NHSL2: variants seen among roughly 807,000 people sequenced by gnomAD.
The protein encoded by NHSL2 is NHS like 2, also known as NHS-like protein 2.
A neutral mutation model predicts 53.4 loss-of-function variants in NHSL2; 27 were observed. The observed-to-expected ratio is 0.51, with a 90% CI of 0.37 to 0.70. The LOEUF (loss-of-function observed/expected upper bound fraction) is 0.70. Ranked by LOEUF, NHSL2 falls within the 30% of genes least tolerant of loss-of-function variation. The probability of loss-of-function intolerance (pLI) is 0.00; values close to 1 mark genes in which losing one functional copy is unlikely to be tolerated. For synonymous variants in NHSL2, 408 were observed against 404.1 expected (o/e 1.01, Z -0.12); for missense variants, 892 against 980.1 (o/e 0.91, Z 1.20).
chrX:72,041,779 G>T, intron 1 of NHSL2, among the ~76,000 whole-genome samples: 1 of 112,307 alleles, frequency 8.9e-6, no homozygotes, highest in Non-Finnish European at 1.9e-5. Flanking sequence ...GGGTTTCATG[G>T]CATGTCCCTC....
At chrX:72,052,356 G>A (rs975349421) in intron 1 of NHSL2, among the ~76,000 whole-genome samples, 1 of 112,538 alleles carries the variant, frequency 8.9e-6, no homozygotes, top group Non-Finnish European at 1.9e-5. Flanking sequence ...GCCTCAGGGC[G>A]AGCTTGCTTG....
chrX:72,086,818 C>T (rs781222656), intron 1 of NHSL2, among the ~76,000 whole-genome samples: 15 of 110,043 alleles, frequency 1.4e-4, no homozygotes, highest in African/African-American at 4.3e-4. Context: ...TAACTCATTA[C>T]AGTAAAGCTG....
At chrX:71,933,634 A>C (rs1389821925) in intron 1 of NHSL2, among the ~76,000 whole-genome samples, 2 of 111,600 alleles carry the variant, frequency 1.8e-5, no homozygotes. Context: ...AGTGGACATA[A>C]AATTGCACTA....
chrX:72,087,365 T>C (rs761470851), intron 1 of NHSL2, among the ~76,000 whole-genome samples: 1 of 110,894 alleles, frequency 9.0e-6, no homozygotes, highest in South Asian at 3.8e-4. Context: ...GAGGGAGAAA[T>C]AGGAAATTAC....
intron 1 of NHSL2, among the ~76,000 whole-genome samples, chrX:72,060,203 G>A (rs1312122588): frequency 8.9e-6 from 1 of 112,198 alleles, no homozygotes; most frequent in East Asian, 2.8e-4. Flanking sequence ...AGTGCGAATT[G>A]AGGATAGTAA....
chrX:72,100,359 C>G (rs184111903), intron 1 of NHSL2, among the ~76,000 whole-genome samples: 2,576 of 112,391 alleles, frequency 0.023, 79 homozygotes, highest in African/African-American at 0.08. Flanking sequence ...ATACTACAGG[C>G]AGTTGTAACA....
intron 1 of NHSL2, among the ~76,000 whole-genome samples, chrX:71,964,569 G>T (rs943654103): frequency 4.5e-5 from 5 of 111,220 alleles, no homozygotes; most frequent in African/African-American, 1.6e-4. Flanking sequence ...GGCCTAAATT[G>T]TTCCAAAAAC....
chrX:72,109,248 C>T (rs1175382000), intron 1 of NHSL2, among the ~76,000 whole-genome samples: 1 of 112,029 alleles, frequency 8.9e-6, no homozygotes, highest in East Asian at 2.8e-4. Context: ...GTGTGTCAGG[C>T]ACTTTACAAA....
intron 1 of NHSL2, chrX:72,130,840 G>A (rs781206301): frequency 5.8e-6 from 7 of 1,209,825 alleles, no homozygotes; most frequent in African/African-American, 5.2e-5. Flanking sequence ...AGCCACACGT[G>A]GGGGGATGGG....
At chrX:71,969,461 C>T (rs1454824528) in intron 1 of NHSL2, among the ~76,000 whole-genome samples, 2 of 109,951 alleles carry the variant, frequency 1.8e-5, no homozygotes, top group Non-Finnish European at 3.8e-5. Flanking sequence ...TACAGGCACC[C>T]ACCACTGCGC....
At chrX:71,969,319 C>CTTTTT (rs760980869) in intron 1 of NHSL2, among the ~76,000 whole-genome samples, 1 of 60,926 alleles carries the variant, frequency 1.6e-5, no homozygotes, top group African/African-American at 5.6e-5. Context: ...TTTTTTTTTT[C>CTTTTT]TTTTTTTTTT....
At chrX:72,103,776 C>T (rs2042015670) in intron 1 of NHSL2, among the ~76,000 whole-genome samples, 1 of 112,465 alleles carries the variant, frequency 8.9e-6, no homozygotes, top group Non-Finnish European at 1.9e-5. Flanking sequence ...AAGATACCCT[C>T]CCAGGGCTGC....
chrX:72,103,858 G>A (rs1249921514), intron 1 of NHSL2, among the ~76,000 whole-genome samples: 2 of 112,501 alleles, frequency 1.8e-5, no homozygotes, highest in African/African-American at 6.5e-5. Context: ...AGGTCCATGT[G>A]GAGAGTGAGG....
rs974578253 is a variant in NHSL2, at chrX:72,069,662, G to A, written c.281-62417G>A. On this transcript the variant is annotated intron_variant, in intron 1 of 7. Transcript: ENST00000633930. The stretch of plus-strand genomic sequence containing the variant: ...GGAGGAGGAGGTGGCAGCGGCCGCC[G>A]CGGTGGCTGCCAGTCCAGAGCAGAA... 14 of 935,831 alleles carry A rather than the reference G, an allele frequency of 1.5e-5. No homozygotes were observed. The South Asian group carries it at 3.0e-4, about 20-fold the overall frequency. The allele number at this position is 935,831 out of a possible 1,213,427, so 77.1% of individuals were successfully genotyped here.
rs1318503588 is a variant in NHSL2, at chrX:72,149,972, C to T, written c.*6398C>T. 2 of 112,316 alleles carry T rather than the reference C, an allele frequency of 1.8e-5. No individual in the cohort carries two copies. The highest frequency in any genetic ancestry group is 6.5e-5 in the African/African-American group (2 of 30,912). 9.3% of individuals were successfully genotyped at this position (112,316 alleles called of 1,213,427 possible). On this transcript the variant is annotated 3_prime_UTR_variant, in exon 8 of 8. Transcript: ENST00000633930. ...ATTCCAGGTCTCCTGCCCTTGGGCCCAATCTGGTTTCATTTAAAGCACTAC... is the reference window on the plus strand; with the variant it reads ...ATTCCAGGTCTCCTGCCCTTGGGCCTAATCTGGTTTCATTTAAAGCACTAC...
chrX:72,097,207 G>T (rs2041950492), intron 1 of NHSL2, among the ~76,000 whole-genome samples: 1 of 112,275 alleles, frequency 8.9e-6, no homozygotes, highest in South Asian at 3.7e-4. Flanking sequence ...TGGAAGAGAA[G>T]AGGGCCCAAA....
chrX:71,915,950 G>C (rs1410064592), intron 1 of NHSL2, among the ~76,000 whole-genome samples: 2 of 112,339 alleles, frequency 1.8e-5, no homozygotes, highest in African/African-American at 6.5e-5. Context: ...AGAGGAGAAA[G>C]GAAGGTCAAA....
chrX:71,990,674 C>T (rs1002226684), intron 1 of NHSL2, among the ~76,000 whole-genome samples: 1 of 111,809 alleles, frequency 8.9e-6, no homozygotes, highest in African/African-American at 3.3e-5. Flanking sequence ...TTACACCTCC[C>T]ACAACACTGG....
At chrX:72,108,869 T>C (rs1159746976) in intron 1 of NHSL2, among the ~76,000 whole-genome samples, 1 of 111,483 alleles carries the variant, frequency 9.0e-6, no homozygotes, top group Non-Finnish European at 1.9e-5. Flanking sequence ...CTTTCAGGTA[T>C]GTCGAGCATC....
Sources: gnomAD v4.1 joint callset for allele counts (sites outside exome capture counted in the v4.1 genomes callset) on GRCh38, gnomAD v4.1.1 for gene constraint, MANE v1.5 for transcripts, NCBI Gene and HGNC (gene_info 2026-07-23, HGNC 2026-07-21) for gene names.